NPHP4: variants seen among roughly 807,000 people sequenced by gnomAD.
NPHP4 encodes the protein nephrocystin-4.
A neutral mutation model predicts 155.8 loss-of-function variants in NPHP4; 151 were observed. The observed-to-expected ratio is 0.97, with a 90% confidence interval of 0.85 to 1.11. The LOEUF is 1.11. Ranked by LOEUF, NPHP4 falls within the 50% of genes least tolerant of loss-of-function variation. The pLI is 0.00. For missense variants in NPHP4, 1,956 were observed against 1,925.7 expected, an observed-to-expected ratio of 1.02 and a Z score of -0.29; for synonymous variants, 845 against 816.8, an observed-to-expected ratio of 1.03 and a Z score of -0.59.
Position 5,902,857 on chromosome 1 carries a change from C to T in NPHP4, c.2143+1760G>A, listed in dbSNP as rs1364749319. On this transcript the variant is annotated intron_variant, in intron 16 of 29. Transcript: ENST00000378156. ...TTGACTCATGGAATAATTAGAAGCA[C>T]ATTTTAAAATTAAAAAAATAAAAGC... 2.0e-5 allele frequency among the ~76,000 whole-genome samples: 3 copies of T among 152,124 alleles called. No homozygotes were observed. In the East Asian group the frequency reaches 5.8e-4, roughly 29 times the overall value.
Position 5,875,180 on chromosome 1 carries a change from C to G in NPHP4, c.2818-80G>C. 5 of 1,053,358 alleles carry G rather than the reference C, an allele frequency of 4.7e-6. No homozygotes were observed. The South Asian group carries it at 6.7e-5, about 14-fold the overall frequency. 65.3% of individuals were successfully genotyped at this position (1,053,358 alleles called of 1,614,324 possible). A position where few individuals can be genotyped will look rare whatever the true frequency, so the allele number is the denominator to read the frequency against. ...GGGGCTATTGCTGGCTGCCCACCAC[C>G]CGCGATCTCAGAAGAGGACATTTCT... On this transcript the variant is annotated intron_variant, in intron 20 of 29. Coordinates refer to ENST00000378156, the MANE Select transcript of NPHP4 (RefSeq NM_015102.5).
Position 5,892,407 on chromosome 1 carries a change from C to G in NPHP4, c.2144-1379G>C, listed in dbSNP as rs182307386. Among the ~76,000 whole-genome samples, 4 of 152,194 alleles carry G rather than the reference C, an allele frequency of 2.6e-5. No individual in the cohort carries two copies. The highest frequency in any genetic ancestry group is 2.6e-4 in the Admixed American group (4 of 15,304). On this transcript the variant is annotated intron_variant, in intron 16 of 29. Coordinates refer to ENST00000378156, the MANE Select transcript of NPHP4 (RefSeq NM_015102.5). The surrounding 1 kb of genome is among the most constrained non-coding windows in gnomAD (Gnocchi z 4.5). Reference sequence around the variant, plus strand: ...TGTCAGCTCTGGGATCAGTGTCTCCCTGTTTTGAAACCCAGAGCTCCTTAA... The same window carrying G: ...TGTCAGCTCTGGGATCAGTGTCTCCGTGTTTTGAAACCCAGAGCTCCTTAA...
Position 5,948,181 on chromosome 1 carries a change from C to T in NPHP4, c.881G>A (p.Gly294Asp). 1 of 1,612,252 alleles carries T rather than the reference C, an allele frequency of 6.2e-7. No individual in the cohort carries two copies. Among genetic ancestry groups the T allele is most frequent in the South Asian group, 1.1e-5 (1 of 90,886 alleles). Residue 294 changes from glycine to aspartate, a missense_variant, in exon 8 of 30, where the codon GGT becomes GAT. Transcript: ENST00000378156. ...CTGCGGCCTCTGCACGAAGCCCAGA[C>T]CATTGTGCACGCCCACACGCAGGCG... ...ERRLRVGVHN[G>D]LGFVQRPQVV...
At chr1:5,891,107 T>C in intron 16 of NPHP4, 79 bp from the exon 17 acceptor site, 1 of 1,041,104 alleles carries the variant, frequency 9.6e-7, no homozygotes, top group African/African-American at 1.6e-5. Flanking sequence ...ATTTCAGCTC[T>C]GGTCATGATT....
intron 1 of NPHP4, among the ~76,000 whole-genome samples, chr1:5,988,681 A>T (rs931945764): frequency 1.3e-5 from 2 of 152,102 alleles, no homozygotes; most frequent in African/African-American, 2.4e-5. Context: ...CTAATGGTTC[A>T]CCCCCTGCAT....
rs959182390 is a variant in NPHP4 at position 5,892,244 on chromosome 1, A to T, written c.2144-1216T>A. 6.6e-6 allele frequency among the ~76,000 whole-genome samples: 1 copy of T among 152,128 alleles called. No individual in the cohort carries two copies. The highest frequency in any genetic ancestry group is 2.1e-4 in the South Asian group (1 of 4,828). On this transcript the variant is annotated intron_variant, in intron 16 of 29. Coordinates refer to ENST00000378156, the MANE Select transcript of NPHP4 (RefSeq NM_015102.5). This position sits in a 1 kb window ranked among gnomAD's most constrained non-coding sequence, Gnocchi z 4.5. ...GAAGATGGGTGATTTCTGCATTTCC[A>T]ACTGAGGTACCGGGATCATCCCACT...
At chr1:5,913,274 GAGAAGAGCA>G (rs1339979355) in intron 11 of NPHP4, among the ~76,000 whole-genome samples, 2 of 152,096 alleles carry the variant, frequency 1.3e-5, no homozygotes, top group East Asian at 3.9e-4. Context: ...AGCCAGATCT[GAGAAGAGCA>G]GGAAGAGACT....
chr1:5,871,329 C>T (rs1280249003), intron 23 of NPHP4, among the ~76,000 whole-genome samples: 1 of 152,222 alleles, frequency 6.6e-6, no homozygotes, highest in South Asian at 2.1e-4. Flanking sequence ...CGTCTAAGAG[C>T]GGTGCCTCCA....
At chr1:5,981,670 A>G (rs1654722234) in intron 2 of NPHP4, among the ~76,000 whole-genome samples, 1 of 152,186 alleles carries the variant, frequency 6.6e-6, no homozygotes, top group African/African-American at 2.4e-5. Context: ...ATACCAAACC[A>G]TCATCTATTT....
chr1:5,904,553 T>C, intron 16 of NPHP4, 64 bp downstream of exon 16: 2 of 1,308,116 alleles, frequency 1.5e-6, no homozygotes, highest in Non-Finnish European at 2.1e-6. Context: ...TTAATAACAC[T>C]GACAATTTAC....
At chr1:5,869,419 G>A (rs1318423152) in intron 23 of NPHP4, among the ~76,000 whole-genome samples, 1 of 152,190 alleles carries the variant, frequency 6.6e-6, no homozygotes, top group Non-Finnish European at 1.5e-5. Context: ...GGAGAGAGTG[G>A]GGCAGGGCAA....
In NPHP4 at chr1:5,890,612, G is replaced by A. The variant is rs1644072343; in HGVS notation, c.2304+256C>T. 1.3e-5 allele frequency among the ~76,000 whole-genome samples: 2 copies of A among 152,154 alleles called. No homozygotes were observed. The highest frequency in any genetic ancestry group is 2.1e-4 in the South Asian group (1 of 4,832). Reference sequence around the variant, plus strand: ...CACTGCCTGGTAGGTCAGTTTGCAGGAGAAATAGATAACTGAGTTTGATCT... The same window carrying A: ...CACTGCCTGGTAGGTCAGTTTGCAGAAGAAATAGATAACTGAGTTTGATCT... On this transcript the variant is annotated intron_variant, in intron 17 of 29. Coordinates refer to ENST00000378156, the MANE Select transcript of NPHP4 (RefSeq NM_015102.5). The surrounding 1 kb of genome is among the most constrained non-coding windows in gnomAD (Gnocchi z 4.9).
At chr1:5,873,462 C>G (rs892424238) in intron 22 of NPHP4, 127 bp from the exon 23 acceptor site, 1 of 733,764 alleles carries the variant, frequency 1.4e-6, no homozygotes. Flanking sequence ...ACTCTCCAGG[C>G]AGCAACCATC....
At chr1:5,981,152 C>T (rs1654619684) in intron 2 of NPHP4, among the ~76,000 whole-genome samples, 1 of 152,166 alleles carries the variant, frequency 6.6e-6, no homozygotes. Flanking sequence ...TCCCCCAGCA[C>T]CGCCACCTCC....
At chr1:5,915,029 G>A (rs1177437561) in intron 11 of NPHP4, among the ~76,000 whole-genome samples, 1 of 152,236 alleles carries the variant, frequency 6.6e-6, no homozygotes, top group Non-Finnish European at 1.5e-5. Context: ...CCTAACAGAG[G>A]AAAATGCTCA....
intron 3 of NPHP4, among the ~76,000 whole-genome samples, chr1:5,975,431 T>C (rs1349025454): frequency 6.6e-6 from 1 of 152,194 alleles, no homozygotes; most frequent in South Asian, 2.1e-4. Flanking sequence ...AGCATCACCC[T>C]CACAGCTGAA....
At chr1:5,964,939 A>ATTTTTTTTT (rs1232148646) in intron 5 of NPHP4, among the ~76,000 whole-genome samples, 1,610 of 62,392 alleles carry the variant, frequency 0.026, 67 homozygotes, top group South Asian at 0.038. Context: ...ATATATATAT[A>ATTTTTTTTT]TATTTTTTTT....
rs779475273 is a variant in NPHP4 at position 5,986,153 on chromosome 1, A to G, written c.135+2T>C. The G allele has an allele frequency of 6.2e-7, 1 of 1,613,828 alleles. No homozygotes were observed. Among genetic ancestry groups the G allele is most frequent in the South Asian group, 1.1e-5 (1 of 91,048 alleles). On this transcript the variant is annotated splice_donor_variant, in intron 2 of 29. Transcript: ENST00000378156. LOFTEE classifies it high-confidence loss of function. ...GCATTTGCTAACAGCACATTTTGTT[A>G]CCTGCCTAATTACCGGTCCGTCCAG...
intron 3 of NPHP4, among the ~76,000 whole-genome samples, chr1:5,972,944 C>T (rs1431044595): frequency 1.3e-5 from 2 of 151,874 alleles, no homozygotes; most frequent in African/African-American, 4.8e-5. Flanking sequence ...AGTGCAGTGG[C>T]GTGAATCTCA....
Sources: allele counts gnomAD v4.1 joint callset (sites outside exome capture counted in the v4.1 genomes callset), GRCh38; gene constraint gnomAD v4.1.1; non-coding constraint Gnocchi (gnomAD v3.1); transcripts MANE v1.5; gene names NCBI Gene and HGNC (gene_info 2026-07-23, HGNC 2026-07-21).